The following CNOT2 variants were observed in gnomAD, a reference collection of about 807,000 sequenced individuals.
CNOT2 encodes CCR4-NOT transcription complex subunit 2, also known as CC chemokine receptor 4-negative regulator of transcription 2.
CNOT2 carries 7 observed loss-of-function variants against 72.1 expected under a neutral mutation model. The observed-to-expected ratio is 0.10, with a 90% CI of 0.06 to 0.18. CNOT2 has a LOEUF of 0.18. Ranked by LOEUF, CNOT2 falls within the 10% of genes least tolerant of loss-of-function variation. The probability of loss-of-function intolerance (pLI) is 1.00; values close to 1 mark genes in which losing one functional copy is unlikely to be tolerated. For missense variants in CNOT2, 345 were observed against 660.3 expected, an observed-to-expected ratio of 0.52 and a Z score of 5.23; for synonymous variants, 196 against 225.6, an observed-to-expected ratio of 0.87 and a Z score of 1.17.
chr12:70,346,261 C>T lies in CNOT2; in HGVS notation c.1473C>T (p.Thr491=). 1.2e-6 allele frequency: 2 copies of T among 1,611,146 alleles called. No individual in the cohort carries two copies. The highest frequency in any genetic ancestry group is 1.7e-6 in the Non-Finnish European group (2 of 1,177,410). The change falls in exon 15 of 16, where the codon ACC becomes ACT. Residue 491 remains threonine, a synonymous_variant. Coordinates refer to ENST00000229195, the MANE Select transcript of CNOT2 (RefSeq NM_014515.7). The stretch of plus-strand genomic sequence containing the variant: ...CAGGCATGGAGCCAACAATGAAAAC[C>T]AATACCTATGAGAGGGGAACATATT... ...RAPGMEPTMK[T]NTYERGTYYF...
At chr12:70,283,767 A>G (rs1358759883) in intron 2 of CNOT2, among the ~76,000 whole-genome samples, 1 of 151,776 alleles carries the variant, frequency 6.6e-6, no homozygotes, top group Non-Finnish European at 1.5e-5. Context: ...CTAGCCAGAG[A>G]TAAAGTAAAG....
chr12:70,272,788 C>T (rs1423439415), intron 1 of CNOT2, among the ~76,000 whole-genome samples: 1 of 152,134 alleles, frequency 6.6e-6, no homozygotes, highest in Non-Finnish European at 1.5e-5. Flanking sequence ...TTCCTCCCTC[C>T]TCAGACCTGT....
chr12:70,345,705 T>C (rs1376726258), intron 14 of CNOT2: 2 of 152,224 alleles, frequency 1.3e-5, no homozygotes, highest in South Asian at 4.1e-4. Flanking sequence ...AATGCTCTAG[T>C]TTCAAGATAG....
chr12:70,353,902 A>C lies in CNOT2; in HGVS notation c.1610A>C (p.Gln537Pro). 1 of 1,528,316 alleles carries C rather than the reference A, an allele frequency of 6.5e-7. No homozygotes were observed. 94.7% of individuals were successfully genotyped at this position (1,528,316 alleles called of 1,614,324 possible). A position where few individuals can be genotyped will look rare whatever the true frequency, so the allele number is the denominator to read the frequency against. The change falls in exon 16 of 16, where the codon CAG becomes CCG. Residue 537 changes from glutamine (Q) to proline (P), a missense_variant. Coordinates refer to ENST00000229195, the MANE Select transcript of CNOT2 (RefSeq NM_014515.7). ...LPSTFNYNPA[Q>P]QAF is the part of the protein sequence containing the mutation. ...TCCACCTTCAACTACAACCCTGCTCAGCAAGCCTTCTAAAAAAAAAAAAAA... is the reference window on the plus strand; with the variant it reads ...TCCACCTTCAACTACAACCCTGCTCCGCAAGCCTTCTAAAAAAAAAAAAAA...
chr12:70,328,818 A>G (rs1301675217), intron 4 of CNOT2, among the ~76,000 whole-genome samples: 1 of 151,434 alleles, frequency 6.6e-6, no homozygotes, highest in Non-Finnish European at 1.5e-5. Flanking sequence ...GTCTTTTTAA[A>G]TGTTTTAAAA....
At chr12:70,339,465 A>G (rs866841299) in intron 11 of CNOT2, among the ~76,000 whole-genome samples, 70 of 152,086 alleles carry the variant, frequency 4.6e-4, no homozygotes, top group African/African-American at 1.5e-3. Context: ...GTTCATTTAC[A>G]TATCCCATGA....
chr12:70,309,906 A>C (rs1876152224), intron 2 of CNOT2, among the ~76,000 whole-genome samples: 1 of 152,130 alleles, frequency 6.6e-6, no homozygotes, highest in East Asian at 1.9e-4. Context: ...CTTCATACCC[A>C]TGGGTTCTGC....
At chr12:70,335,353 T>C in intron 7 of CNOT2, 85 bp from the exon 8 acceptor site, 1 of 1,023,986 alleles carries the variant, frequency 9.8e-7, no homozygotes, top group Non-Finnish European at 1.5e-6. Flanking sequence ...GGCGCAATCA[T>C]TTCGAATTAT....
intron 2 of CNOT2, among the ~76,000 whole-genome samples, chr12:70,293,279 G>A (rs1241973589): frequency 6.6e-6 from 1 of 151,212 alleles, no homozygotes; most frequent in Non-Finnish European, 1.5e-5. Flanking sequence ...TCCTGCCTCC[G>A]CCTCCCGAGT....
At chr12:70,275,581 T>A (rs1209616952) in intron 1 of CNOT2, among the ~76,000 whole-genome samples, 1 of 152,096 alleles carries the variant, frequency 6.6e-6, no homozygotes, top group African/African-American at 2.4e-5. Flanking sequence ...TCTGTTTATT[T>A]AAGGTAGAAG....
intron 14 of CNOT2, chr12:70,345,709 A>G (rs1443256939): frequency 6.6e-6 from 1 of 152,266 alleles, no homozygotes; most frequent in South Asian, 2.1e-4. Flanking sequence ...CTCTAGTTTC[A>G]AGATAGTTAA....
At position 70,354,122 on chromosome 12, in the gene CNOT2, G is replaced by T; in HGVS notation, c.*207G>T. ...TGCCCAACAACTAAATTTGTAATTT[G>T]TTTTTCTCTAGTTTGAGCAGGGTCT... On this transcript the variant is annotated 3_prime_UTR_variant, in exon 16 of 16. Coordinates refer to ENST00000229195, the MANE Select transcript of CNOT2 (RefSeq NM_014515.7). 1.0e-6 allele frequency: 1 copy of T among 987,406 alleles called. No individual in the cohort carries two copies. Among genetic ancestry groups the T allele is most frequent in the African/African-American group, 1.7e-5 (1 of 59,964 alleles). 61.2% of individuals were successfully genotyped at this position (987,406 alleles called of 1,614,324 possible). A position where few individuals can be genotyped will look rare whatever the true frequency, so the allele number is the denominator to read the frequency against.
intron 4 of CNOT2, among the ~76,000 whole-genome samples, chr12:70,319,714 G>T (rs1196183330): frequency 6.7e-6 from 1 of 148,338 alleles, no homozygotes; most frequent in Non-Finnish European, 1.5e-5. Context: ...TATTTGACTG[G>T]CTACTCTGTG....
intron 1 of CNOT2, among the ~76,000 whole-genome samples, chr12:70,277,206 CTT>C (rs1388260956): frequency 2.0e-5 from 3 of 152,002 alleles, no homozygotes; most frequent in African/African-American, 7.2e-5. Context: ...AGGGAGAATG[CTT>C]AACAAAACTT....
intron 1 of CNOT2, among the ~76,000 whole-genome samples, chr12:70,273,902 A>G (rs1242315784): frequency 6.6e-6 from 1 of 152,148 alleles, no homozygotes. Flanking sequence ...GAAGACACAT[A>G]CAACATTGTT....
chr12:70,297,393 G>A (rs1872996655), intron 2 of CNOT2, among the ~76,000 whole-genome samples: 1 of 152,130 alleles, frequency 6.6e-6, no homozygotes, highest in South Asian at 2.1e-4. Context: ...AGCAGTGAAT[G>A]AGACAATTGA....
intron 1 of CNOT2, among the ~76,000 whole-genome samples, chr12:70,270,279 A>G (rs1050609443): frequency 2.0e-5 from 3 of 152,188 alleles, no homozygotes; most frequent in Admixed American, 1.3e-4. Flanking sequence ...TATCCTTAGT[A>G]TAACACATGA....
At chr12:70,295,820 G>A (rs980487894) in intron 2 of CNOT2, among the ~76,000 whole-genome samples, 2 of 152,092 alleles carry the variant, frequency 1.3e-5, no homozygotes, top group Admixed American at 6.6e-5. Context: ...AGCTTTTAAA[G>A]CTTATATATT....
intron 11 of CNOT2, 192 bp from the exon 12 acceptor site, chr12:70,341,915 C>T (rs561131034): frequency 2.1e-5 from 13 of 607,198 alleles, no homozygotes; most frequent in African/African-American, 1.7e-4. Context: ...GGGAAGGAGT[C>T]CTATCATATT....
Sources: gnomAD v4.1 joint callset for allele counts (sites outside exome capture counted in the v4.1 genomes callset) on GRCh38, gnomAD v4.1.1 for gene constraint, MANE v1.5 for transcripts, NCBI Gene and HGNC (gene_info 2026-07-23, HGNC 2026-07-21) for gene names.